Variants in ANKS1B observed in about 807,000 individuals in gnomAD.
ANKS1B encodes the protein ankyrin repeat and sterile alpha motif domain containing 1B.
ANKS1B carries 36 observed loss-of-function variants against 148.3 expected under a neutral mutation model. The observed-to-expected ratio is 0.24, with a 90% CI of 0.19 to 0.32. The LOEUF (loss-of-function observed/expected upper bound fraction) is 0.32, where lower values mean the gene tolerates loss of function less well. Ranked by LOEUF, ANKS1B falls within the 10% of genes least tolerant of loss-of-function variation. The pLI is 1.00. For synonymous variants in ANKS1B, 542 were observed against 560.8 expected (o/e 0.97, Z 0.47); for missense variants, 1,157 against 1,542.6 (o/e 0.75, Z 4.19).
At chr12:99,800,538 A>G (rs2066825008) in intron 4 of ANKS1B, among the ~76,000 whole-genome samples, 1 of 151,856 alleles carries the variant, frequency 6.6e-6, no homozygotes, top group Non-Finnish European at 1.5e-5. Flanking sequence ...AATGTAAAGT[A>G]GTGAAATTCT....
intron 10 of ANKS1B, among the ~76,000 whole-genome samples, chr12:99,481,794 T>C (rs1009313896): frequency 3.9e-5 from 6 of 152,034 alleles, no homozygotes; most frequent in African/African-American, 1.4e-4. Flanking sequence ...ATTTTTTTCA[T>C]ATGTTTATTA....
At position 99,589,940 on chromosome 12, in the gene ANKS1B, T is replaced by C. The variant is rs761652770; in HGVS notation, c.1272+65127A>G. Among the ~76,000 whole-genome samples, 185 of 152,206 alleles carry C rather than the reference T, an allele frequency of 1.2e-3. 3 individuals are homozygous for C. The highest frequency in any genetic ancestry group is 2.1e-3 in the Admixed American group (32 of 15,292). ...TAAAATATCACTTGTACCCCATAAA[T>C]ATGTGCAACTATTATGTATCCACAT... On this transcript the variant is annotated intron_variant, in intron 9 of 26. Coordinates refer to ENST00000683438, the MANE Select transcript of ANKS1B (RefSeq NM_001352186.2).
intron 17 of ANKS1B, among the ~76,000 whole-genome samples, chr12:98,851,095 C>G (rs924458149): frequency 6.6e-6 from 1 of 152,212 alleles, no homozygotes; most frequent in Non-Finnish European, 1.5e-5. Flanking sequence ...ATGGGAGCTA[C>G]AAACAATGCA....
At chr12:99,544,066 T>C (rs532355176) in intron 9 of ANKS1B, among the ~76,000 whole-genome samples, 1 of 152,132 alleles carries the variant, frequency 6.6e-6, no homozygotes, top group East Asian at 1.9e-4. Flanking sequence ...TATAAATACA[T>C]AGACATATGA....
At chr12:99,687,290 T>C (rs1010043777) in intron 8 of ANKS1B, among the ~76,000 whole-genome samples, 1 of 152,174 alleles carries the variant, frequency 6.6e-6, no homozygotes, top group Non-Finnish European at 1.5e-5. Context: ...TTTTCAATAA[T>C]TTTATTTTAA....
At chr12:99,171,973 T>C (rs1394826617) in intron 14 of ANKS1B, among the ~76,000 whole-genome samples, 1 of 152,088 alleles carries the variant, frequency 6.6e-6, no homozygotes, top group African/African-American at 2.4e-5. Context: ...ATTAAAGATG[T>C]GTGCAAGATA....
chr12:99,447,256 T>A (rs2095651164), intron 10 of ANKS1B, among the ~76,000 whole-genome samples: 2 of 152,062 alleles, frequency 1.3e-5, no homozygotes, highest in South Asian at 4.1e-4. Flanking sequence ...GGACACTGGA[T>A]ATTCACATGC....
chr12:99,722,716 A>G (rs2058208172), intron 8 of ANKS1B, among the ~76,000 whole-genome samples: 1 of 152,224 alleles, frequency 6.6e-6, no homozygotes, highest in South Asian at 2.1e-4. Flanking sequence ...TGTAAGAAAT[A>G]CAGGGTGGGA....
chr12:99,529,261 C>G (rs185860245), intron 9 of ANKS1B, among the ~76,000 whole-genome samples: 9 of 152,238 alleles, frequency 5.9e-5, no homozygotes, highest in Admixed American at 5.2e-4. Context: ...TGTAGTTCAC[C>G]AATAAGAAGA....
At chr12:99,632,890 C>T in intron 9 of ANKS1B, among the ~76,000 whole-genome samples, 1 of 124,692 alleles carries the variant, frequency 8.0e-6, no homozygotes, top group East Asian at 2.5e-4. Context: ...GGTATATCTC[C>T]TAATGCTATC....
chr12:98,768,546 A>G (rs2098519206), intron 25 of ANKS1B, among the ~76,000 whole-genome samples: 1 of 151,348 alleles, frequency 6.6e-6, no homozygotes, highest in Admixed American at 6.6e-5. Flanking sequence ...CATCTTGGCT[A>G]ACATGGTGAA....
At chr12:99,392,592 G>A (rs2094112187) in intron 12 of ANKS1B, among the ~76,000 whole-genome samples, 1 of 152,178 alleles carries the variant, frequency 6.6e-6, no homozygotes, top group Non-Finnish European at 1.5e-5. Context: ...TTGAGAAAGT[G>A]CTAATGCACA....
At chr12:99,516,832 G>C (rs2096826198) in intron 9 of ANKS1B, among the ~76,000 whole-genome samples, 1 of 152,016 alleles carries the variant, frequency 6.6e-6, no homozygotes, top group Non-Finnish European at 1.5e-5. Flanking sequence ...GTAGATGTGT[G>C]GATTTGTTTC....
chr12:99,973,832 T>G (rs2095591696), intron 1 of ANKS1B, among the ~76,000 whole-genome samples: 1 of 152,140 alleles, frequency 6.6e-6, no homozygotes, highest in African/African-American at 2.4e-5. Context: ...GCAAAGAAAG[T>G]GGTTTCACGA....
intron 19 of ANKS1B, among the ~76,000 whole-genome samples, chr12:98,824,280 T>C (rs1431538976): frequency 6.6e-6 from 1 of 152,200 alleles, no homozygotes; most frequent in Non-Finnish European, 1.5e-5. Flanking sequence ...GTTTACACAA[T>C]TAAAATAATA....
At chr12:99,013,070 A>T (rs1031004949) in intron 17 of ANKS1B, among the ~76,000 whole-genome samples, 8 of 152,192 alleles carry the variant, frequency 5.3e-5, no homozygotes, top group Admixed American at 2.0e-4. Flanking sequence ...GCTGAGGGGA[A>T]ATGATAATTT....
chr12:98,973,405 T>C (rs2099885312), intron 17 of ANKS1B, among the ~76,000 whole-genome samples: 1 of 152,356 alleles, frequency 6.6e-6, no homozygotes, highest in African/African-American at 2.4e-5. Context: ...AAACTCACTA[T>C]AAACCAGTTA....
intron 17 of ANKS1B, among the ~76,000 whole-genome samples, chr12:99,041,722 C>T (rs2099959119): frequency 6.6e-6 from 1 of 152,086 alleles, no homozygotes; most frequent in African/African-American, 2.4e-5. Flanking sequence ...CTTTGTGGGC[C>T]AGGCACATTG....
Position 98,894,839 on chromosome 12 carries a change from T to TGCGCTGCGCC in ANKS1B, c.2779-62704_2779-62703insGGCGCAGCGC, listed in dbSNP as rs2099760864. On this transcript the variant is annotated intron_variant, in intron 17 of 26. Transcript: ENST00000683438. ...GGCGCGGAGCTTGGCCGCGCCGCGC[T>TGCGCTGCGCC]GCGCCGAGCGCCGGGCTCTCCCCGC... 6 of 981,556 alleles carry TGCGCTGCGCC rather than the reference T, an allele frequency of 6.1e-6. No individual in the cohort carries two copies. The African/African-American group carries it at 7.0e-5, about 12-fold the overall frequency. 60.8% of individuals were successfully genotyped at this position (981,556 alleles called of 1,614,324 possible).
Sources: allele counts gnomAD v4.1 joint callset (sites outside exome capture counted in the v4.1 genomes callset), GRCh38; gene constraint gnomAD v4.1.1; transcripts MANE v1.5; gene names NCBI Gene and HGNC (gene_info 2026-07-23, HGNC 2026-07-21).